The following ASCC3 variants were observed in gnomAD, a reference collection of about 807,000 sequenced individuals.
ASCC3 encodes the protein ASC-1 complex subunit P200.
ASCC3 carries 158 observed loss-of-function variants against 256.3 expected under a neutral mutation model. That is an observed-to-expected ratio of 0.62 (90% CI 0.54 to 0.70). The LOEUF (loss-of-function observed/expected upper bound fraction) is 0.70, where lower values mean the gene tolerates loss of function less well. Among genes scored for constraint, ASCC3 ranks in the 30% least tolerant of loss-of-function variants. The pLI, the probability that ASCC3 is intolerant of heterozygous loss-of-function variation, is 0.00. For missense variants in ASCC3, 2,259 were observed against 2,626.0 expected (o/e 0.86, Z 3.05); for synonymous variants, 948 against 883.4 (o/e 1.07, Z -1.30).
rs1049944395 is a variant in ASCC3 at position 100,530,240 on chromosome 6, C to T, written c.5775+9923G>A. 1.6e-5 allele frequency: 14 copies of T among 866,900 alleles called. No individual in the cohort carries two copies. In the African/African-American group the frequency reaches 2.2e-4, roughly 13 times the overall value. 53.7% of individuals were successfully genotyped at this position (866,900 alleles called of 1,614,324 possible). ...AATATTGCTGCTCATTCGCTCAGAG[C>T]CACAGGAGGAGGGGAGAGGCCTGGA... On this transcript the variant is annotated intron_variant, in intron 37 of 41. Transcript: ENST00000369162.
At position 100,661,953 on chromosome 6, in the gene ASCC3, T is replaced by C; in HGVS notation, c.2556A>G (p.Arg852=). The C allele has an allele frequency of 6.2e-7, 1 of 1,613,384 alleles. No individual in the cohort carries two copies. The highest frequency in any genetic ancestry group is 8.5e-7 in the Non-Finnish European group (1 of 1,179,502). Residue 852 remains arginine (R), a synonymous_variant, in exon 16 of 42, where the codon CGA becomes CGG. Transcript: ENST00000369162. ...GILDVMQIFG[R]AGRPQFDKFG... ...ATTTGTCAAATTGTGGTCGTCCAGCTCGACCAAATATCTGCATGACATCTA... is the reference window on the plus strand; with the variant it reads ...ATTTGTCAAATTGTGGTCGTCCAGCCCGACCAAATATCTGCATGACATCTA...
At chr6:100,611,522 A>G (rs889014996) in intron 30 of ASCC3, among the ~76,000 whole-genome samples, 8 of 152,096 alleles carry the variant, frequency 5.3e-5, no homozygotes, top group Non-Finnish European at 8.8e-5. Flanking sequence ...TTTGTTGAGC[A>G]CTTATAATAT....
chr6:100,736,162 C>T (rs564856206), intron 10 of ASCC3, among the ~76,000 whole-genome samples: 48 of 152,030 alleles, frequency 3.2e-4, no homozygotes, highest in African/African-American at 9.9e-4. Flanking sequence ...GATAACTATT[C>T]TTGTCTAATG....
At chr6:100,668,578 C>T (rs546982119) in intron 14 of ASCC3, among the ~76,000 whole-genome samples, 5 of 151,852 alleles carry the variant, frequency 3.3e-5, no homozygotes, top group South Asian at 2.1e-4. Context: ...ATTCTACAAG[C>T]GAATATAATG....
intron 8 of ASCC3, among the ~76,000 whole-genome samples, chr6:100,768,991 G>C (rs1280280971): frequency 6.6e-6 from 1 of 152,030 alleles, no homozygotes; most frequent in Admixed American, 6.5e-5. Context: ...ACTGATGAAA[G>C]AAGAAATCAA....
At chr6:100,744,234 T>C (rs190868168) in intron 10 of ASCC3, among the ~76,000 whole-genome samples, 1 of 152,296 alleles carries the variant, frequency 6.6e-6, no homozygotes, top group Admixed American at 6.5e-5. Flanking sequence ...AGCTTAAATT[T>C]ATTTTATTTT....
chr6:100,833,992 G>A (rs1451776015), intron 4 of ASCC3, among the ~76,000 whole-genome samples: 1 of 152,154 alleles, frequency 6.6e-6, no homozygotes, highest in African/African-American at 2.4e-5. Flanking sequence ...CTGGAACCCG[G>A]GAGGCAGAAG....
intron 13 of ASCC3, among the ~76,000 whole-genome samples, chr6:100,684,867 C>T (rs531753647): frequency 2.9e-4 from 40 of 138,070 alleles, no homozygotes; most frequent in African/African-American, 6.3e-4. Context: ...AATGCAGTGG[C>T]GCGATCTCGG....
chr6:100,627,585 C>T lies in ASCC3; in HGVS notation c.4642+5G>A. 6.2e-7 allele frequency: 1 copy of T among 1,613,170 alleles called. No individual in the cohort carries two copies. The highest frequency in any genetic ancestry group is 8.5e-7 in the Non-Finnish European group (1 of 1,179,526). ...ACTATTTTATTCCAAGAATCTGAAG[C>T]TTACCCTGAAATGCAGGCTTGTTCA... On this transcript the variant is annotated splice_donor_5th_base_variant and intron_variant, in intron 29 of 41. Transcript: ENST00000369162.
At chr6:100,703,702 T>A (rs1778448635) in intron 13 of ASCC3, among the ~76,000 whole-genome samples, 2 of 151,988 alleles carry the variant, frequency 1.3e-5, no homozygotes, top group Non-Finnish European at 2.9e-5. Context: ...AACCAAATGT[T>A]GATGTTAACT....
chr6:100,738,080 G>C (rs1780265361), intron 10 of ASCC3, among the ~76,000 whole-genome samples: 1 of 152,004 alleles, frequency 6.6e-6, no homozygotes. Flanking sequence ...TTTTTTTCTT[G>C]TAAATTTGTT....
chr6:100,796,987 C>G (rs971353246), intron 8 of ASCC3, among the ~76,000 whole-genome samples: 8 of 151,994 alleles, frequency 5.3e-5, no homozygotes, highest in Non-Finnish European at 2.9e-5. Context: ...AAGATATGCA[C>G]ATTAAGGTGG....
At chr6:100,793,501 T>C (rs1291766447) in intron 8 of ASCC3, among the ~76,000 whole-genome samples, 1 of 152,016 alleles carries the variant, frequency 6.6e-6, no homozygotes, top group African/African-American at 2.4e-5. Context: ...TAAGAGGTCG[T>C]ATCAAGAAAT....
intron 14 of ASCC3, among the ~76,000 whole-genome samples, chr6:100,662,974 C>T (rs909994767): frequency 5.9e-5 from 9 of 152,070 alleles, no homozygotes; most frequent in Non-Finnish European, 1.3e-4. Flanking sequence ...GCCACAATGG[C>T]TGGCTTTTCT....
intron 33 of ASCC3, among the ~76,000 whole-genome samples, chr6:100,603,472 C>T (rs1772730547): frequency 6.6e-6 from 1 of 152,024 alleles, no homozygotes; most frequent in Non-Finnish European, 1.5e-5. Context: ...GTGGTTTGGG[C>T]CTGTAGCTCA....
At position 100,608,208 on chromosome 6, in the gene ASCC3, TAC is replaced by T. The variant is rs1350814458; in HGVS notation, c.4786-1122_4786-1121del. 1.8e-4 allele frequency among the ~76,000 whole-genome samples: 10 copies of T among 54,822 alleles called. 2 individuals carry two copies. The highest frequency in any genetic ancestry group is 8.5e-4 in the African/African-American group (10 of 11,798). The allele number at this position is 54,822 out of a possible 152,430, so 36.0% of individuals were successfully genotyped here. A position where few individuals can be genotyped will look rare whatever the true frequency, so the allele number is the denominator to read the frequency against. On this transcript the variant is annotated intron_variant, in intron 30 of 41. Transcript: ENST00000369162. ...TGTGTATATATATACTTTATATATA[TAC>T]TTTATATATATACTTTATATACTTT...
rs368946778 is a variant in ASCC3 at position 100,800,406 on chromosome 6, G to C, written c.1021C>G (p.Arg341Gly). The change falls in exon 6 of 42, where the codon CGA becomes GGA. Residue 341 changes from arginine (R) to glycine (G), a missense_variant. Physicochemically the swap from Arg to Gly is moderately radical, Grantham distance 125. Coordinates refer to ENST00000369162, the MANE Select transcript of ASCC3 (RefSeq NM_006828.4). ...CTGGCAATTCTTTTTTCTTCACGTC[G>C]ATATTGTTTCATTAACTGCTTTTCT... ...EQEKQLMKQYRREEKRIARRE... is the reference protein window; with the variant it reads ...EQEKQLMKQYGREEKRIARRE... 6.2e-7 allele frequency: 1 copy of C among 1,612,274 alleles called. No homozygotes were observed. The highest frequency in any genetic ancestry group is 1.1e-5 in the South Asian group (1 of 91,032).
chr6:100,798,134 T>C (rs6932158), intron 8 of ASCC3, among the ~76,000 whole-genome samples: 81,367 of 151,796 alleles, frequency 0.54, 22,104 homozygotes, highest in South Asian at 0.68. Flanking sequence ...TTAATTTTGA[T>C]ATGGAAAAGA....
Position 100,646,656 on chromosome 6 carries a change from C to T in ASCC3, c.3592G>A (p.Val1198Met). The change falls in exon 22 of 42, where the codon GTG becomes ATG. Residue 1198 changes from valine (V) to methionine (M), a missense_variant. Coordinates refer to ENST00000369162, the MANE Select transcript of ASCC3 (RefSeq NM_006828.4). ...AAATCAGCATAGATGCTGAGTGTCA[C>T]TCGGAGGACAGTCCTTGTGATAGGC... ...IQPITRTVLR[V>M]TLSIYADFTW... 1 of 1,614,044 alleles carries T rather than the reference C, an allele frequency of 6.2e-7. No homozygotes were observed. The highest frequency in any genetic ancestry group is 1.3e-5 in the African/African-American group (1 of 75,036).
Sources: allele counts gnomAD v4.1 joint callset (sites outside exome capture counted in the v4.1 genomes callset), GRCh38; gene constraint gnomAD v4.1.1; transcripts MANE v1.5; gene names NCBI Gene and HGNC (gene_info 2026-07-23, HGNC 2026-07-21).